The following DRC8 variants were observed in gnomAD, a reference collection of about 807,000 sequenced individuals.
The protein encoded by DRC8 is dynein regulatory complex subunit 8.
At chr1:245,079,689 T>C in the DRC8 span, among the ~76,000 whole-genome samples, 1 of 152,220 alleles carries the variant, frequency 6.6e-6, no homozygotes, top group South Asian at 2.1e-4. Flanking sequence ...TGAGACTGCC[T>C]GCTCTACAGT....
At chr1:244,970,753 C>T in the DRC8 span, 133 of 434,256 alleles carry the variant, frequency 3.1e-4, no homozygotes, top group African/African-American at 2.8e-3. Flanking sequence ...GCCCTCTTCA[C>T]CCTCTTCCCC....
chr1:245,022,000 A>G, the DRC8 span, among the ~76,000 whole-genome samples: 1 of 152,138 alleles, frequency 6.6e-6, no homozygotes, highest in Admixed American at 6.5e-5. Context: ...TATGTTCCAT[A>G]TCGATCTCTT....
the DRC8 span, chr1:244,970,008 G>A: frequency 1.8e-6 from 1 of 548,304 alleles, no homozygotes; most frequent in Non-Finnish European, 3.2e-6. Context: ...ATCGAGCAAC[G>A]CCACGTCGCA....
At chr1:245,034,763 G>GT in the DRC8 span, among the ~76,000 whole-genome samples, 13 of 151,352 alleles carry the variant, frequency 8.6e-5, no homozygotes, top group South Asian at 2.7e-3. Context: ...GGGAAAATAG[G>GT]TAAACTGAAA....
At chr1:245,069,839 C>T in the DRC8 span, among the ~76,000 whole-genome samples, 2 of 152,084 alleles carry the variant, frequency 1.3e-5, no homozygotes, top group African/African-American at 4.8e-5. Flanking sequence ...GCCAGGAGTT[C>T]GGGACCAGCC....
At chr1:244,978,146 A>G in the DRC8 span, among the ~76,000 whole-genome samples, 3 of 152,226 alleles carry the variant, frequency 2.0e-5, no homozygotes, top group Non-Finnish European at 4.4e-5. Context: ...TATGGATTTT[A>G]TAGATATTAA....
chr1:244,989,350 A>G, the DRC8 span, among the ~76,000 whole-genome samples: 2 of 152,116 alleles, frequency 1.3e-5, no homozygotes, highest in African/African-American at 4.8e-5. Flanking sequence ...TTTAGTTGCT[A>G]TGGCTCCTTC....
At chr1:245,068,536 G>A in the DRC8 span, among the ~76,000 whole-genome samples, 1,268 of 152,054 alleles carry the variant, frequency 8.3e-3, 24 homozygotes, top group African/African-American at 0.029. Flanking sequence ...GGAACTCCTG[G>A]ACTAAAGTGG....
the DRC8 span, among the ~76,000 whole-genome samples, chr1:245,054,006 C>T: frequency 2.0e-5 from 3 of 149,820 alleles, no homozygotes; most frequent in East Asian, 6.1e-4. Flanking sequence ...ACGCCCGCAT[C>T]AGCCTTCTTT....
chr1:245,084,587 T>G, the DRC8 span, among the ~76,000 whole-genome samples: 1 of 152,236 alleles, frequency 6.6e-6, no homozygotes, highest in Non-Finnish European at 1.5e-5. Context: ...GCTAGGCTGA[T>G]GTGTAAATTT....
At chr1:245,073,258 C>T in the DRC8 span, among the ~76,000 whole-genome samples, 1 of 152,108 alleles carries the variant, frequency 6.6e-6, no homozygotes, top group Admixed American at 6.6e-5. Context: ...GCCTCAGCCT[C>T]CCGAGTAGCT....
chr1:245,039,031 A>G, the DRC8 span, among the ~76,000 whole-genome samples: 1 of 148,252 alleles, frequency 6.7e-6, no homozygotes, highest in African/African-American at 2.5e-5. Context: ...TTTCTTGACC[A>G]CAGAGAAAAA....
At chr1:244,985,693 C>T in the DRC8 span, among the ~76,000 whole-genome samples, 10 of 151,816 alleles carry the variant, frequency 6.6e-5, no homozygotes, top group Middle Eastern at 3.4e-3. Context: ...GTGAAACCCC[C>T]GTCTCTACTA....
At chr1:245,038,305 C>T in the DRC8 span, among the ~76,000 whole-genome samples, 6 of 152,174 alleles carry the variant, frequency 3.9e-5, no homozygotes, top group East Asian at 1.9e-4. Context: ...CTTGTCTCTA[C>T]GAAAAATACA....
At chr1:245,027,086 A>G in the DRC8 span, among the ~76,000 whole-genome samples, 1 of 152,216 alleles carries the variant, frequency 6.6e-6, no homozygotes, top group African/African-American at 2.4e-5. Context: ...ATAAAAATAA[A>G]TATTTTTAAA....
the DRC8 span, among the ~76,000 whole-genome samples, chr1:244,977,824 T>A: frequency 6.6e-6 from 1 of 152,124 alleles, no homozygotes; most frequent in East Asian, 1.9e-4. Context: ...TTTGAAAATA[T>A]AGATAACATT....
the DRC8 span, among the ~76,000 whole-genome samples, chr1:245,045,648 C>A: frequency 6.6e-6 from 1 of 152,336 alleles, no homozygotes; most frequent in South Asian, 2.1e-4. Flanking sequence ...AAAGGTCACA[C>A]CCCTGTGCAA....
At chr1:245,090,466 T>G in the DRC8 span, among the ~76,000 whole-genome samples, 14 of 145,052 alleles carry the variant, frequency 9.7e-5, no homozygotes, top group African/African-American at 3.3e-4. Flanking sequence ...TTCCCTGCGT[T>G]GCAGGCACTG....
chr1:244,992,192 CAGAA>C, the DRC8 span, among the ~76,000 whole-genome samples: 2 of 152,152 alleles, frequency 1.3e-5, no homozygotes, highest in East Asian at 3.8e-4. Flanking sequence ...TATGAGAAGA[CAGAA>C]AGCCATCCTG....
Sources: allele counts gnomAD v4.1 joint callset (sites outside exome capture counted in the v4.1 genomes callset), GRCh38; gene constraint gnomAD v4.1.1; transcripts MANE v1.5; gene names NCBI Gene and HGNC (gene_info 2026-07-23, HGNC 2026-07-21).